Variants in OSBPL8 observed in about 807,000 individuals in gnomAD.
The protein encoded by OSBPL8 is oxysterol-binding protein-related protein 8.
A neutral mutation model predicts 125.5 loss-of-function variants in OSBPL8; 59 were observed. The observed-to-expected ratio is 0.47, with a 90% CI of 0.38 to 0.58. The LOEUF is 0.58. Ranked by LOEUF, OSBPL8 falls within the 20% of genes least tolerant of loss-of-function variation. OSBPL8 has a pLI of 0.00. For synonymous variants in OSBPL8, 330 were observed against 338.9 expected (o/e 0.97, Z 0.29); for missense variants, 758 against 1,047.8 (o/e 0.72, Z 3.82).
At chr12:76,475,743 A>C (rs1246805359) in intron 2 of OSBPL8, among the ~76,000 whole-genome samples, 1 of 152,198 alleles carries the variant, frequency 6.6e-6, no homozygotes, top group Non-Finnish European at 1.5e-5. Context: ...ATCACAGATA[A>C]AGGAAAGGCC....
chr12:76,392,670 T>A lies in OSBPL8; in HGVS notation c.840A>T (p.Glu280Asp). ...LKRTMIREGKEHDLSVSSDST... is the reference protein window; with the variant it reads ...LKRTMIREGKDHDLSVSSDST... The stretch of plus-strand genomic sequence containing the variant: ...TATCTGATGAAACGCTCAGGTCATG[T>A]TCCTTTCCTTCTCTGATCATTGTAC... Residue 280 changes from glutamate to aspartate, a missense_variant, in exon 10 of 24, where the codon GAA (glutamate) becomes GAT (aspartate). Glu to Asp is a conservative substitution (Grantham distance 45). This residue lies in a region of OSBPL8 where 572 missense variants were observed against 762.0 expected (regional missense o/e 0.75). Coordinates refer to ENST00000261183, the MANE Select transcript of OSBPL8 (RefSeq NM_020841.5). 1.2e-6 allele frequency: 2 copies of A among 1,614,106 alleles called. No homozygotes were observed. The highest frequency in any genetic ancestry group is 4.5e-5 in the East Asian group (2 of 44,862).
chr12:76,359,769 G>C (rs527787416), intron 21 of OSBPL8, among the ~76,000 whole-genome samples: 3 of 152,166 alleles, frequency 2.0e-5, no homozygotes, highest in Non-Finnish European at 2.9e-5. Context: ...ATCAGATCTC[G>C]TGAGACTTAT....
intron 2 of OSBPL8, among the ~76,000 whole-genome samples, chr12:76,469,029 A>G (rs1875799226): frequency 6.6e-6 from 1 of 152,144 alleles, no homozygotes; most frequent in Admixed American, 6.5e-5. Flanking sequence ...CTCACCTAAC[A>G]CTGACCACAC....
chr12:76,406,001 C>T (rs1295000134), intron 5 of OSBPL8, among the ~76,000 whole-genome samples: 3 of 152,134 alleles, frequency 2.0e-5, no homozygotes, highest in Non-Finnish European at 2.9e-5. Context: ...TTTAACCTGT[C>T]AGTCTTAGTT....
intron 1 of OSBPL8, among the ~76,000 whole-genome samples, chr12:76,555,732 C>T (rs1431386960): frequency 6.6e-6 from 1 of 152,200 alleles, no homozygotes; most frequent in African/African-American, 2.4e-5. Flanking sequence ...GTATAAGATT[C>T]AGTCAGAACA....
intron 4 of OSBPL8, among the ~76,000 whole-genome samples, chr12:76,417,865 C>T (rs1212063494): frequency 2.6e-5 from 4 of 152,086 alleles, no homozygotes; most frequent in Non-Finnish European, 5.9e-5. Context: ...GTTTCAGTTA[C>T]TTCTCATTCA....
chr12:76,375,349 G>T lies in OSBPL8; in HGVS notation c.1751C>A (p.Thr584Lys). The T allele has an allele frequency of 6.2e-7, 1 of 1,611,588 alleles. No homozygotes were observed. Among genetic ancestry groups the T allele is most frequent in the Non-Finnish European group, 8.5e-7 (1 of 1,178,720 alleles). The change falls in exon 17 of 24, where the codon ACA becomes AAA. Residue 584 changes from threonine (T) to lysine (K), a missense_variant. Physicochemically the swap from Thr to Lys is moderately conservative, Grantham distance 78. This residue lies in a region of OSBPL8 where 572 missense variants were observed against 762.0 expected (regional missense o/e 0.75). Transcript: ENST00000261183. ...ATTGACTGTTCCACCAAGCTCCAGT[G>T]TCATTGTACCATAAAGAATTCCTAA... ...HCKGILYGTM[T>K]LELGGTVNIT...
chr12:76,421,947 TAAC>T (rs746039610), intron 4 of OSBPL8, among the ~76,000 whole-genome samples: 3 of 151,918 alleles, frequency 2.0e-5, no homozygotes, highest in Non-Finnish European at 2.9e-5. Flanking sequence ...CAAATACATC[TAAC>T]AACAAGAGGA....
chr12:76,516,880 T>C (rs1881595115), intron 1 of OSBPL8, among the ~76,000 whole-genome samples: 1 of 151,320 alleles, frequency 6.6e-6, no homozygotes, highest in Admixed American at 6.6e-5. Context: ...AGTGGCGCAG[T>C]ATCGGCTCAC....
intron 4 of OSBPL8, among the ~76,000 whole-genome samples, chr12:76,425,634 T>G (rs2136531182): frequency 6.6e-6 from 1 of 152,328 alleles, no homozygotes; most frequent in East Asian, 1.9e-4. Context: ...CCCAAGTTCT[T>G]TGTTGACACT....
intron 1 of OSBPL8, among the ~76,000 whole-genome samples, chr12:76,515,895 C>A (rs573178720): frequency 1.6e-4 from 24 of 152,086 alleles, no homozygotes; most frequent in African/African-American, 5.5e-4. Context: ...ATCTTGGTGA[C>A]CCCCCCACTC....
intron 1 of OSBPL8, among the ~76,000 whole-genome samples, chr12:76,541,092 G>A (rs761769033): frequency 6.6e-6 from 1 of 152,136 alleles, no homozygotes; most frequent in Non-Finnish European, 1.5e-5. Flanking sequence ...GACACATAAC[G>A]CAAGAAGATG....
intron 1 of OSBPL8, among the ~76,000 whole-genome samples, chr12:76,525,184 A>T (rs1285890783): frequency 1.3e-5 from 2 of 152,220 alleles, no homozygotes; most frequent in African/African-American, 4.8e-5. Flanking sequence ...ATAAATTTTT[A>T]AAAATTTCTC....
At chr12:76,438,696 A>C (rs900916238) in intron 4 of OSBPL8, among the ~76,000 whole-genome samples, 9 of 152,212 alleles carry the variant, frequency 5.9e-5, no homozygotes, top group Non-Finnish European at 1.3e-4. Context: ...AGTAGATGTT[A>C]AAATTTTCAA....
intron 8 of OSBPL8, among the ~76,000 whole-genome samples, chr12:76,395,984 G>T (rs1041960781): frequency 6.6e-6 from 1 of 150,586 alleles, no homozygotes; most frequent in Non-Finnish European, 1.5e-5. Context: ...ATTCCTAAGA[G>T]TAGTAGAATA....
chr12:76,550,607 C>A (rs1289274202), intron 1 of OSBPL8, among the ~76,000 whole-genome samples: 1 of 152,144 alleles, frequency 6.6e-6, no homozygotes, highest in African/African-American at 2.4e-5. Flanking sequence ...ACAAAAAAAT[C>A]TCCTTATGTT....
intron 15 of OSBPL8, among the ~76,000 whole-genome samples, chr12:76,382,669 G>A (rs1953111850): frequency 6.6e-6 from 1 of 152,070 alleles, no homozygotes; most frequent in South Asian, 2.1e-4. Flanking sequence ...GATCACTTGA[G>A]GTCAGGAGTT....
intron 7 of OSBPL8, 83 bp downstream of exon 7, chr12:76,399,790 T>G (rs185904536): frequency 2.0e-6 from 2 of 1,009,088 alleles, no homozygotes; most frequent in Non-Finnish European, 2.9e-6. Flanking sequence ...TTTTGTCTTG[T>G]AGGCGTTAGG....
At chr12:76,522,843 G>C (rs1245784733) in intron 1 of OSBPL8, among the ~76,000 whole-genome samples, 1 of 152,140 alleles carries the variant, frequency 6.6e-6, no homozygotes, top group Non-Finnish European at 1.5e-5. Context: ...CTAAAATATA[G>C]TAAATTCCTA....
Sources: gnomAD v4.1 joint callset for allele counts (sites outside exome capture counted in the v4.1 genomes callset) on GRCh38, gnomAD v4.1.1 for gene constraint, gnomAD v4.1.1 regional missense constraint, MANE v1.5 for transcripts, NCBI Gene and HGNC (gene_info 2026-07-23, HGNC 2026-07-21) for gene names.